Variants in COL20A1 observed in about 807,000 individuals in gnomAD.
COL20A1 encodes collagen alpha-1(XX) chain.
Under a neutral mutation model 152.9 loss-of-function variants are expected in COL20A1, and 164 were observed. The ratio of observed to expected loss-of-function variants is 1.07; its 90% CI spans 0.94 to 1.22. The LOEUF (loss-of-function observed/expected upper bound fraction) is 1.22. COL20A1 is among the 50% of genes most tolerant of loss of function. The pLI is 0.00. For missense variants in COL20A1, 1,873 were observed against 1,744.8 expected, an observed-to-expected ratio of 1.07 and a Z score of -1.31; for synonymous variants, 864 against 756.0, an observed-to-expected ratio of 1.14 and a Z score of -2.34.
chr20:63,297,888 C>G (rs774767415), intron 2 of COL20A1, 22 bp from the exon 3 acceptor site: 22 of 1,601,050 alleles, frequency 1.4e-5, no homozygotes, highest in Admixed American at 1.2e-4. Flanking sequence ...TCAGTCCTGA[C>G]CACTATGTCC....
rs1271405030 is a variant in COL20A1, at chr20:63,311,667, C to T, written c.1582C>T (p.Pro528Ser). ...RPEVLLDGLE[P>S]GRDYEVSVQS... is the part of the protein sequence containing the mutation. ...CGAGGTGCTGCTGGATGGCCTGGAA[C>T]CTGGCAGGGACTATGAGGTCTCGGT... The change falls in exon 13 of 36, where the codon CCT (proline) becomes TCT (serine). Residue 528 changes from proline to serine, a missense_variant. Coordinates refer to ENST00000358894, the MANE Select transcript of COL20A1 (RefSeq NM_020882.4). This position sits in a 1 kb window ranked among gnomAD's most constrained non-coding sequence, Gnocchi z 4.4. The T allele has an allele frequency of 6.2e-7, 1 of 1,609,130 alleles. No homozygotes were observed. The highest frequency in any genetic ancestry group is 1.1e-5 in the South Asian group (1 of 90,806).
Position 63,308,543 on chromosome 20 carries a change from C to A in COL20A1, c.777C>A (p.Gly259=). Residue 259 remains glycine (G), a splice_region_variant and synonymous_variant, in exon 8 of 36, where the codon GGC becomes GGA. Transcript: ENST00000358894. ...CACTTTATTCCTGCTGCTCCCAAGG[C>A]CTTGCCCTGACCCACGTGCTGGGGC... is the stretch of plus-strand genomic sequence containing the variant. ...LRYKGGNTFT[G]LALTHVLGQN... 4 of 1,594,228 alleles carry A rather than the reference C, an allele frequency of 2.5e-6. No homozygotes were observed. Among genetic ancestry groups the A allele is most frequent in the Non-Finnish European group, 2.6e-6 (3 of 1,171,002 alleles).
Position 63,309,761 on chromosome 20 carries a change from C to A in COL20A1, c.1109C>A (p.Ala370Glu). The change falls in exon 10 of 36, where the codon GCG (alanine) becomes GAG (glutamate). Residue 370 changes from alanine to glutamate, a missense_variant. Physicochemically the swap from Ala to Glu is moderately radical, Grantham distance 107. Transcript: ENST00000358894. The part of the protein sequence containing the change: ...QGGSPRQGPA[A>E]APALDTLPAP... ...CCCACTCCCGCTACTCCAGCAGCAG[C>A]GGCTCCAGCCCTGGACACCCTCCCT... The A allele has an allele frequency of 1.9e-6, 3 of 1,571,872 alleles. No homozygotes were observed. Among genetic ancestry groups the A allele is most frequent in the South Asian group, 1.2e-5 (1 of 84,604 alleles).
chr20:63,315,485 G>C (rs775292120), intron 20 of COL20A1, 46 bp downstream of exon 20: 1 of 1,519,910 alleles, frequency 6.6e-7, no homozygotes, highest in Non-Finnish European at 8.8e-7. Context: ...ACAGTCTCTC[G>C]GGCTCTTCCT....
At chr20:63,297,711 C>T (rs551794432) in intron 2 of COL20A1, among the ~76,000 whole-genome samples, 199 bp from the exon 3 acceptor site, 181 of 152,340 alleles carry the variant, frequency 1.2e-3, no homozygotes, top group African/African-American at 4.1e-3. Context: ...TTCTCCTCAG[C>T]GCCCAGGCGA....
chr20:63,309,135 A>G (rs1352458443), intron 8 of COL20A1, among the ~76,000 whole-genome samples, 198 bp from the exon 9 acceptor site: 1 of 152,164 alleles, frequency 6.6e-6, no homozygotes, highest in Admixed American at 6.5e-5. Context: ...TCGAGGCAGG[A>G]GTCCCAGGAG....
At position 63,332,769 on chromosome 20, in the gene COL20A1, T is replaced by A. The variant is rs919567189; in HGVS notation, c.*2053T>A. 1 of 152,136 alleles carries A rather than the reference T, an allele frequency of 6.6e-6. No homozygotes were observed. The highest frequency in any genetic ancestry group is 2.4e-5 in the African/African-American group (1 of 41,400). 9.4% of individuals were successfully genotyped at this position (152,136 alleles called of 1,614,324 possible). A position where few individuals can be genotyped will look rare whatever the true frequency, so the allele number is the denominator to read the frequency against. On this transcript the variant is annotated 3_prime_UTR_variant, in exon 36 of 36. Transcript: ENST00000358894. ...AAACTGACTTTATGCTGGAGGCCAA[T>A]TAAAATGGCACAGCAAAGGCAGCGG... is the stretch of plus-strand genomic sequence containing the variant.
rs1482577706 is a variant in COL20A1 at position 63,328,386 on chromosome 20, C to T, written c.3669C>T (p.Ile1223=). The change falls in exon 34 of 36, where the codon ATC becomes ATT. Residue 1223 remains isoleucine (I), a synonymous_variant. Coordinates refer to ENST00000358894, the MANE Select transcript of COL20A1 (RefSeq NM_020882.4). ...AGAACACCAGGCCCCCCATGCCCATCTTGGAGCAGAAGCTGGAGCCGGGCA... is the reference window on the plus strand; with the variant it reads ...AGAACACCAGGCCCCCCATGCCCATTTTGGAGCAGAAGCTGGAGCCGGGCA... ...FHENTRPPMP[I]LEQKLEPGTE... The T allele has an allele frequency of 6.2e-7, 1 of 1,612,624 alleles. No homozygotes were observed. Among genetic ancestry groups the T allele is most frequent in the African/African-American group, 1.3e-5 (1 of 74,926 alleles).
intron 2 of COL20A1, among the ~76,000 whole-genome samples, chr20:63,296,088 G>C (rs988142071): frequency 1.3e-5 from 2 of 152,278 alleles, no homozygotes; most frequent in African/African-American, 4.8e-5. Flanking sequence ...GGGAGCCCCG[G>C]TGTAGCGTGG....
chr20:63,307,719 T>G (rs2067945855), intron 6 of COL20A1, 71 bp downstream of exon 6: 1 of 1,528,958 alleles, frequency 6.5e-7, no homozygotes, highest in African/African-American at 1.4e-5. Context: ...GAGGAGGCTG[T>G]GACCTGTGGG....
At chr20:63,309,594 C>T (rs1050909711) in intron 9 of COL20A1, 97 bp downstream of exon 9, 13 of 1,311,106 alleles carry the variant, frequency 9.9e-6, no homozygotes, top group African/African-American at 3.0e-5. Context: ...TACCTGAGGC[C>T]GGCTCCTGTG....
intron 6 of COL20A1, 116 bp downstream of exon 6, chr20:63,307,764 G>A: frequency 3.9e-6 from 5 of 1,283,698 alleles, no homozygotes; most frequent in Non-Finnish European, 5.4e-6. Context: ...CACCTTGTGG[G>A]GTGGGACGCC....
chr20:63,321,041 TG>T lies in COL20A1; in HGVS notation c.3183del (p.Ser1062LeufsTer75), dbSNP rs1307459834. The T allele has an allele frequency of 4.4e-6, 7 of 1,600,174 alleles. No homozygotes were observed. The highest frequency in any genetic ancestry group is 6.0e-6 in the Non-Finnish European group (7 of 1,174,258). On this transcript the variant is annotated frameshift_variant, in exon 26 of 36. Coordinates refer to ENST00000358894, the MANE Select transcript of COL20A1 (RefSeq NM_020882.4). LOFTEE classifies it high-confidence loss of function. ...SRDGETCPAFVSACSCSSETP... is the reference protein window; with the variant it reads ...SRDGETCPAFXSACSCSSETP... ...GATGGAGAGACCTGCCCCGCCTTCG[TG>T]TCTGCCTGTTCCTGTTCCTCAGAGA...
chr20:63,302,178 C>T (rs1006312442), intron 3 of COL20A1, among the ~76,000 whole-genome samples: 3 of 152,104 alleles, frequency 2.0e-5, no homozygotes, highest in African/African-American at 7.2e-5. Flanking sequence ...TTATATAATC[C>T]TGTCTATAAA....
intron 27 of COL20A1, among the ~76,000 whole-genome samples, chr20:63,322,857 C>G (rs1421634394): frequency 6.6e-6 from 1 of 152,270 alleles, no homozygotes; most frequent in Non-Finnish European, 1.5e-5. Context: ...GCGCCTGGCT[C>G]TGGCGGGGCT....
chr20:63,310,597 T>C, intron 11 of COL20A1, 87 bp downstream of exon 11: 4 of 1,390,966 alleles, frequency 2.9e-6, no homozygotes, highest in South Asian at 2.8e-5. Context: ...CAGGGCAGCA[T>C]AGCGAGCAGC....
intron 19 of COL20A1, among the ~76,000 whole-genome samples, chr20:63,315,103 C>G (rs766096439): frequency 3.2e-4 from 49 of 152,242 alleles, no homozygotes; most frequent in Non-Finnish European, 6.0e-4. Context: ...CCAGTACCCT[C>G]GAAGGGTATC....
chr20:63,312,939 G>A lies in COL20A1; in HGVS notation c.2076+5G>A, dbSNP rs1295053962. The A allele has an allele frequency of 1.3e-6, 2 of 1,545,444 alleles. No individual in the cohort carries two copies. The highest frequency in any genetic ancestry group is 1.9e-5 in the Admixed American group (1 of 51,420). ...GGAGAGGGGAAGGCTCACGAGGTGGGCAGGGGTGGGTTTGTCCTTCCGAGG... is the reference window on the plus strand; with the variant it reads ...GGAGAGGGGAAGGCTCACGAGGTGGACAGGGGTGGGTTTGTCCTTCCGAGG... On this transcript the variant is annotated splice_donor_5th_base_variant and intron_variant, in intron 16 of 35. Transcript: ENST00000358894.
rs933512310 is a variant in COL20A1 at position 63,332,499 on chromosome 20, A to G, written c.*1783A>G. ...ATGAGGCAGGAGTGGGGCTAGAATC[A>G]AGCCCAGAGCCCACAGGGCATCCAG... On this transcript the variant is annotated 3_prime_UTR_variant, in exon 36 of 36. Transcript: ENST00000358894. The G allele has an allele frequency of 2.0e-5, 3 of 152,296 alleles. No individual in the cohort carries two copies. Among genetic ancestry groups the G allele is most frequent in the African/African-American group, 7.2e-5 (3 of 41,460 alleles). 9.4% of individuals were successfully genotyped at this position (152,296 alleles called of 1,614,324 possible).
Sources: gnomAD v4.1 joint callset for allele counts (sites outside exome capture counted in the v4.1 genomes callset) on GRCh38, gnomAD v4.1.1 for gene constraint, Gnocchi (gnomAD v3.1) non-coding constraint, MANE v1.5 for transcripts, NCBI Gene and HGNC (gene_info 2026-07-23, HGNC 2026-07-21) for gene names.